SSH2: variants seen among roughly 807,000 people sequenced by gnomAD.
The protein encoded by SSH2 is protein phosphatase Slingshot homolog 2.
In SSH2, 37 loss-of-function variants were observed where a neutral mutation model predicts 135.2. The ratio of observed to expected loss-of-function variants is 0.27; its 90% CI spans 0.21 to 0.36. The LOEUF (loss-of-function observed/expected upper bound fraction) is 0.36. Ranked by LOEUF, SSH2 falls within the 10% of genes least tolerant of loss-of-function variation. SSH2 has a pLI of 1.00. For missense variants in SSH2, 1,408 were observed against 1,765.3 expected, an observed-to-expected ratio of 0.80 and a Z score of 3.63; for synonymous variants, 628 against 646.2, an observed-to-expected ratio of 0.97 and a Z score of 0.43.
At chr17:29,891,221 CTTAACAGAATCACCCAAGAGCCTG>C (rs367767171) in intron 1 of SSH2, among the ~76,000 whole-genome samples, 51 of 152,314 alleles carry the variant, frequency 3.3e-4, no homozygotes, top group African/African-American at 1.2e-3. Flanking sequence ...TATGTTAGTA[CTTAACAGAATCACCCAAGAGCCTG>C]TTAAAAAACA....
rs61441018 is a variant in SSH2 at position 29,733,746 on chromosome 17, A to G, written c.189-30684T>C. 4.5e-3 allele frequency among the ~76,000 whole-genome samples: 692 copies of G among 152,278 alleles called. 8 individuals are homozygous for G. Among genetic ancestry groups the G allele is most frequent in the African/African-American group, 0.016 (654 of 41,562 alleles). On this transcript the variant is annotated intron_variant, in intron 3 of 15. Coordinates refer to ENST00000540801, the MANE Select transcript of SSH2 (RefSeq NM_001282129.2). ...TAGCTCAATACTTTAAAAAGGGTCA[A>G]TTTTGAAAAATCTCATCTTGTTTCT...
At chr17:29,750,904 TGTTAAAGA>T (rs1449010763) in intron 3 of SSH2, among the ~76,000 whole-genome samples, 4 of 151,938 alleles carry the variant, frequency 2.6e-5, no homozygotes, top group Non-Finnish European at 5.9e-5. Flanking sequence ...GAAACTTTTT[TGTTAAAGA>T]CACAAACACA....
intron 13 of SSH2, 43 bp from the exon 14 acceptor site, chr17:29,648,387 A>G: frequency 1.4e-6 from 2 of 1,480,932 alleles, no homozygotes; most frequent in South Asian, 1.3e-5. Flanking sequence ...AAAATACAAT[A>G]GTGGGGATAT....
intron 3 of SSH2, among the ~76,000 whole-genome samples, chr17:29,710,255 A>T (rs1488337082): frequency 1.3e-5 from 2 of 152,228 alleles, no homozygotes; most frequent in Non-Finnish European, 2.9e-5. Flanking sequence ...CAAGTGGCAC[A>T]AAGTAGATGT....
At chr17:29,758,389 A>G (rs2041196661) in intron 3 of SSH2, among the ~76,000 whole-genome samples, 1 of 152,194 alleles carries the variant, frequency 6.6e-6, no homozygotes, top group Non-Finnish European at 1.5e-5. Context: ...CCTCAGTTTC[A>G]TTATCTGTAA....
intron 2 of SSH2, among the ~76,000 whole-genome samples, chr17:29,847,039 G>C (rs2043143813): frequency 6.6e-6 from 1 of 152,092 alleles, no homozygotes; most frequent in African/African-American, 2.4e-5. Context: ...TGTGAAGTAG[G>C]ATTCATTCTA....
chr17:29,628,076 T>C lies in SSH2; in HGVS notation c.*2765A>G, dbSNP rs1428962803. The stretch of plus-strand genomic sequence containing the variant: ...AAGGGAAAGATGCCACTGGAGATTA[T>C]AAAAGTCTGAAGAGAAGACAGTCTG... On this transcript the variant is annotated 3_prime_UTR_variant, in exon 16 of 16. Coordinates refer to ENST00000540801, the MANE Select transcript of SSH2 (RefSeq NM_001282129.2). 1 of 93,722 alleles carries C rather than the reference T, an allele frequency of 1.1e-5. No individual in the cohort carries two copies. The highest frequency in any genetic ancestry group is 1.9e-5 in the Non-Finnish European group (1 of 51,498). 5.8% of individuals were successfully genotyped at this position (93,722 alleles called of 1,614,324 possible).
At chr17:29,736,173 A>G (rs1460680511) in intron 3 of SSH2, among the ~76,000 whole-genome samples, 1 of 152,212 alleles carries the variant, frequency 6.6e-6, no homozygotes, top group Non-Finnish European at 1.5e-5. Context: ...AAAGCCCTAC[A>G]GTACTAGACG....
intron 2 of SSH2, among the ~76,000 whole-genome samples, chr17:29,806,467 T>A (rs2042347826): frequency 6.6e-6 from 1 of 152,184 alleles, no homozygotes; most frequent in Non-Finnish European, 1.5e-5. Context: ...AAATTCCAGA[T>A]CCCACTTTCT....
At chr17:29,900,950 T>TA (rs2066539634) in intron 1 of SSH2, among the ~76,000 whole-genome samples, 1 of 152,100 alleles carries the variant, frequency 6.6e-6, no homozygotes, top group African/African-American at 2.4e-5. Context: ...TATGCAGCCA[T>TA]AAAAAATGAT....
intron 2 of SSH2, among the ~76,000 whole-genome samples, chr17:29,802,256 G>A (rs1005591936): frequency 3.9e-5 from 6 of 152,144 alleles, no homozygotes; most frequent in African/African-American, 1.4e-4. Context: ...AGGCACCAGG[G>A]AATGAAAGTA....
At chr17:29,808,459 G>C (rs182418056) in intron 2 of SSH2, among the ~76,000 whole-genome samples, 1 of 152,172 alleles carries the variant, frequency 6.6e-6, no homozygotes, top group East Asian at 1.9e-4. Flanking sequence ...AAATAGACCA[G>C]TAGAAAAGTT....
chr17:29,911,196 T>G (rs141533775), intron 1 of SSH2, among the ~76,000 whole-genome samples: 20 of 152,322 alleles, frequency 1.3e-4, no homozygotes, highest in African/African-American at 4.6e-4. Context: ...AATAAAAATG[T>G]AAGTTATATT....
At chr17:29,695,098 A>G (rs1319867850) in intron 5 of SSH2, among the ~76,000 whole-genome samples, 1 of 152,062 alleles carries the variant, frequency 6.6e-6, no homozygotes, top group Non-Finnish European at 1.5e-5. Context: ...GTCCTTCCCT[A>G]TGTGTGTTTT....
chr17:29,929,748 GC>G (rs1309613859), intron 1 of SSH2, 189 bp downstream of exon 1: 2 of 609,972 alleles, frequency 3.3e-6, no homozygotes, highest in Non-Finnish European at 5.8e-6. Context: ...GGTGATGGGG[GC>G]AAAAATCAAC....
intron 3 of SSH2, among the ~76,000 whole-genome samples, chr17:29,736,786 CAAAAAAA>C (rs1194959594): frequency 6.9e-4 from 7 of 10,208 alleles, no homozygotes; most frequent in African/African-American, 1.8e-3. Flanking sequence ...GACTCTGTCT[CAAAAAAA>C]AAAAAAAAAA....
chr17:29,836,568 T>C (rs2042947145), intron 2 of SSH2, among the ~76,000 whole-genome samples: 1 of 152,182 alleles, frequency 6.6e-6, no homozygotes, highest in Non-Finnish European at 1.5e-5. Context: ...ACATCAGAAA[T>C]GTAATGTGAA....
intron 3 of SSH2, among the ~76,000 whole-genome samples, chr17:29,778,099 A>G (rs556509989): frequency 2.4e-4 from 36 of 152,264 alleles, no homozygotes; most frequent in African/African-American, 8.2e-4. Context: ...CAGTTTTTCA[A>G]TGAGAACTGA....
intron 1 of SSH2, among the ~76,000 whole-genome samples, chr17:29,873,168 C>T (rs940224974): frequency 2.0e-5 from 3 of 152,016 alleles, no homozygotes. Flanking sequence ...CAGTTACTTA[C>T]GGGTTACCTA....
Sources: gnomAD v4.1 joint callset for allele counts (sites outside exome capture counted in the v4.1 genomes callset) on GRCh38, gnomAD v4.1.1 for gene constraint, MANE v1.5 for transcripts, NCBI Gene and HGNC (gene_info 2026-07-23, HGNC 2026-07-21) for gene names.